The following SNX29 variants were observed in gnomAD, a reference collection of about 807,000 sequenced individuals.
SNX29 encodes sorting nexin 29, also known as sorting nexin-29.
A neutral mutation model predicts 102.1 loss-of-function variants in SNX29; 78 were observed. That is an observed-to-expected ratio of 0.76 (90% CI 0.64 to 0.92). The LOEUF (loss-of-function observed/expected upper bound fraction) is 0.92. Ranked by LOEUF, SNX29 falls within the 40% of genes least tolerant of loss-of-function variation. SNX29 has a pLI of 0.00. For synonymous variants in SNX29, 580 were observed against 414.5 expected (o/e 1.40, Z -4.85); for missense variants, 1,280 against 1,061.7 (o/e 1.21, Z -2.86).
intron 15 of SNX29, among the ~76,000 whole-genome samples, chr16:12,327,502 G>C (rs2081155214): frequency 6.6e-6 from 1 of 152,104 alleles, no homozygotes; most frequent in South Asian, 2.1e-4. Context: ...TTTCTTCTCT[G>C]CATGACTCTG....
rs375290907 is a variant in SNX29 at position 12,569,587 on chromosome 16, C to G, written c.*958C>G. 25 of 230,116 alleles carry G rather than the reference C, an allele frequency of 1.1e-4. No homozygotes were observed. The highest frequency in any genetic ancestry group is 4.3e-4 in the East Asian group (7 of 16,164). 14.3% of individuals were successfully genotyped at this position (230,116 alleles called of 1,614,324 possible). On this transcript the variant is annotated 3_prime_UTR_variant, in exon 21 of 21. Coordinates refer to ENST00000566228, the MANE Select transcript of SNX29 (RefSeq NM_032167.5). ...TCTCTCCACTAAAAACATTTTCCAT[C>G]CCGTCTGCCCCCGACATTGTCCTTG...
intron 13 of SNX29, among the ~76,000 whole-genome samples, chr16:12,181,354 A>G (rs2076380130): frequency 6.6e-6 from 1 of 152,220 alleles, no homozygotes; most frequent in Non-Finnish European, 1.5e-5. Context: ...CATATGCAAG[A>G]TGAACATTGG....
chr16:12,321,493 A>T (rs1009693917), intron 15 of SNX29, among the ~76,000 whole-genome samples: 2 of 152,182 alleles, frequency 1.3e-5, no homozygotes, highest in African/African-American at 4.8e-5. Context: ...GTCATCTGTC[A>T]TAGCTATTTC....
intron 19 of SNX29, among the ~76,000 whole-genome samples, chr16:12,506,238 G>A (rs1431982217): frequency 2.0e-5 from 3 of 152,226 alleles, no homozygotes; most frequent in African/African-American, 7.2e-5. Context: ...TGGGATTACA[G>A]GCGTGAGCCA....
At chr16:12,265,189 G>A (rs2078889602) in intron 14 of SNX29, among the ~76,000 whole-genome samples, 1 of 152,182 alleles carries the variant, frequency 6.6e-6, no homozygotes, top group Admixed American at 6.5e-5. Flanking sequence ...TTCAGGGCAG[G>A]AAATCACTCT....
chr16:12,197,456 A>G (rs924588988), intron 13 of SNX29, among the ~76,000 whole-genome samples: 1 of 152,140 alleles, frequency 6.6e-6, no homozygotes, highest in African/African-American at 2.4e-5. Flanking sequence ...CTATAATCCC[A>G]GATACTTGGG....
intron 16 of SNX29, chr16:12,373,776 C>T (rs1011791311): frequency 6.6e-6 from 1 of 152,216 alleles, no homozygotes; most frequent in Non-Finnish European, 1.5e-5. Context: ...GTGAATTTGG[C>T]TGAAATGAAG....
intron 15 of SNX29, among the ~76,000 whole-genome samples, chr16:12,318,860 C>G (rs545650486): frequency 1.4e-4 from 21 of 152,150 alleles, no homozygotes; most frequent in Non-Finnish European, 2.1e-4. Flanking sequence ...TCAGCTTCTT[C>G]TAGTCTATGA....
chr16:12,006,033 C>T (rs1016256056), intron 3 of SNX29, among the ~76,000 whole-genome samples: 5 of 151,952 alleles, frequency 3.3e-5, no homozygotes, highest in East Asian at 1.9e-4. Flanking sequence ...AAAAGGAGTA[C>T]GTGGCTTACT....
chr16:12,250,051 C>T (rs2078376261), intron 14 of SNX29, among the ~76,000 whole-genome samples: 1 of 152,086 alleles, frequency 6.6e-6, no homozygotes, highest in South Asian at 2.1e-4. Context: ...CCAGGGGAGC[C>T]CAGAGCAGGA....
chr16:12,327,873 GGCCAGGTGGACAGGGCCCTTCCT>G (rs1455790036), intron 15 of SNX29, among the ~76,000 whole-genome samples: 3 of 152,230 alleles, frequency 2.0e-5, no homozygotes, highest in Non-Finnish European at 4.4e-5. Flanking sequence ...TTCTACTGAG[GGCCAGGTGGACAGGGCCCTTCCT>G]GCCACCATCC....
At chr16:12,154,753 G>A (rs1364852100) in intron 13 of SNX29, among the ~76,000 whole-genome samples, 1 of 152,196 alleles carries the variant, frequency 6.6e-6, no homozygotes, top group African/African-American at 2.4e-5. Context: ...GGTATCTGGG[G>A]AGGGCCTGTT....
intron 19 of SNX29, among the ~76,000 whole-genome samples, chr16:12,499,482 G>A (rs889308738): frequency 1.3e-5 from 2 of 152,170 alleles, no homozygotes; most frequent in Admixed American, 1.3e-4. Context: ...CCCTTAGTCT[G>A]TGCTTAGGCC....
intron 13 of SNX29, among the ~76,000 whole-genome samples, chr16:12,172,539 C>G (rs2076172470): frequency 6.6e-6 from 1 of 152,200 alleles, no homozygotes; most frequent in African/African-American, 2.4e-5. Context: ...ATTCACCTCT[C>G]TGGATCTCAG....
rs747182337 is a variant in SNX29, at chr16:12,277,944, T to C, written c.1690T>C (p.Trp564Arg). Residue 564 changes from tryptophan (W) to arginine (R), a missense_variant, in exon 15 of 21, where the codon TGG becomes CGG. Transcript: ENST00000566228. The stretch of plus-strand genomic sequence containing the variant: ...CTCTTTCTCTAAAGTGCCAAATCTT[T>C]GGAGTGTTGATGGAGAAGTTACAGT... ...EGQTAEVPNL[W>R]SVDGEVTVAE... 2.5e-6 allele frequency: 4 copies of C among 1,607,450 alleles called. No homozygotes were observed. In the South Asian group the frequency reaches 3.4e-5, roughly 14 times the overall value.
chr16:12,530,850 C>G (rs1363339437), intron 20 of SNX29, among the ~76,000 whole-genome samples: 1 of 152,228 alleles, frequency 6.6e-6, no homozygotes, highest in Non-Finnish European at 1.5e-5. Context: ...GCCACCGTGC[C>G]TGGCCACCTT....
chr16:11,989,266 C>T (rs1357412174), intron 1 of SNX29, among the ~76,000 whole-genome samples: 2 of 152,176 alleles, frequency 1.3e-5, no homozygotes, highest in Non-Finnish European at 2.9e-5. Flanking sequence ...AGCCATGATG[C>T]CCGGCCTGCT....
chr16:12,377,135 C>G (rs1430708565), intron 16 of SNX29, among the ~76,000 whole-genome samples: 2 of 152,228 alleles, frequency 1.3e-5, no homozygotes, highest in South Asian at 2.1e-4. Context: ...CTTTCTGCTG[C>G]AGTAACTATG....
At position 12,226,706 on chromosome 16, in the gene SNX29, C is replaced by T. The variant is rs148595181; in HGVS notation, c.1678+27023C>T. ...CTCCTGCCTCAGCCTCCCGAGTAGC[C>T]GGGATTACAGGTGTGTGTCATCATA... On this transcript the variant is annotated intron_variant, in intron 14 of 20. Coordinates refer to ENST00000566228, the MANE Select transcript of SNX29 (RefSeq NM_032167.5). 6.7e-3 allele frequency among the ~76,000 whole-genome samples: 1,015 copies of T among 151,716 alleles called. 13 individuals are homozygous for T. Among genetic ancestry groups the T allele is most frequent in the Non-Finnish European group, 0.011 (718 of 67,894 alleles).
Sources: gnomAD v4.1 joint callset for allele counts (sites outside exome capture counted in the v4.1 genomes callset) on GRCh38, gnomAD v4.1.1 for gene constraint, MANE v1.5 for transcripts, NCBI Gene and HGNC (gene_info 2026-07-23, HGNC 2026-07-21) for gene names.